The following MUC17 variants were observed in gnomAD, a reference collection of about 807,000 sequenced individuals.
MUC17 encodes mucin 17, cell surface associated.
In MUC17, 190 loss-of-function variants were observed where a neutral mutation model predicts 170.3. The observed-to-expected ratio is 1.12, with a 90% confidence interval of 0.99 to 1.26. The LOEUF (loss-of-function observed/expected upper bound fraction) is 1.26. MUC17 is among the 50% of genes most tolerant of loss of function. The probability of loss-of-function intolerance (pLI) is 0.00; values close to 1 mark genes in which losing one functional copy is unlikely to be tolerated. For missense variants in MUC17, 6,415 were observed against 5,530.0 expected (o/e 1.16, Z -5.08); for synonymous variants, 2,325 against 2,002.5 (o/e 1.16, Z -4.30).
Position 101,037,328 on chromosome 7 carries a change from A to T in MUC17, c.5912A>T (p.Asp1971Val). ...GCCAGTTCATCTCCTACAACTGCTG[A>T]TGGTACCAGCATGCCAACCCCAGCT... Reference protein sequence around the residue: ...SQASSSPTTADGTSMPTPAYS... With the variant: ...SQASSSPTTAVGTSMPTPAYS... The change falls in exon 3 of 13, where the codon GAT (aspartate) becomes GTT (valine). Residue 1971 changes from aspartate (D) to valine (V), a missense_variant. Coordinates refer to ENST00000306151, the MANE Select transcript of MUC17 (RefSeq NM_001040105.2). 6.2e-7 allele frequency: 1 copy of T among 1,614,070 alleles called. No homozygotes were observed. The highest frequency in any genetic ancestry group is 1.3e-5 in the African/African-American group (1 of 75,048).
intron 1 of MUC17, 112 bp from the exon 2 acceptor site, chr7:101,031,008 G>A (rs1369958426): frequency 1.5e-6 from 2 of 1,305,980 alleles, no homozygotes; most frequent in African/African-American, 3.0e-5. Context: ...AAATCAGCAG[G>A]CTGGTTCAGG....
intron 11 of MUC17, 130 bp from the exon 12 acceptor site, chr7:101,056,064 T>C: frequency 7.7e-7 from 1 of 1,305,512 alleles, no homozygotes; most frequent in Non-Finnish European, 1.1e-6. Flanking sequence ...TTGTCACATT[T>C]TCAAGGGTTT....
rs1407550055 is a variant in MUC17, at chr7:101,058,064, T to G, written c.*20T>G. On this transcript the variant is annotated 3_prime_UTR_variant, in exon 13 of 13. Coordinates refer to ENST00000306151, the MANE Select transcript of MUC17 (RefSeq NM_001040105.2). ...TTTTAAGGCATGGAGCTGAGAAGTC[T>G]GGGAGTGAGGAGATCCCAGTCCGGC... The G allele has an allele frequency of 3.1e-6, 5 of 1,612,320 alleles. No individual in the cohort carries two copies. Among genetic ancestry groups the G allele is most frequent in the Non-Finnish European group, 4.2e-6 (5 of 1,178,666 alleles).
rs919868158 is a variant in MUC17 at position 101,058,327 on chromosome 7, C to G, written c.*283C>G. 3.2e-6 allele frequency: 1 copy of G among 308,792 alleles called. No individual in the cohort carries two copies. The highest frequency in any genetic ancestry group is 2.1e-5 in the African/African-American group (1 of 46,800). The allele number at this position is 308,792 out of a possible 1,614,324, so 19.1% of individuals were successfully genotyped here. A position where few individuals can be genotyped will look rare whatever the true frequency, so the allele number is the denominator to read the frequency against. On this transcript the variant is annotated 3_prime_UTR_variant, in exon 13 of 13. Coordinates refer to ENST00000306151, the MANE Select transcript of MUC17 (RefSeq NM_001040105.2). ...TTTGAGGGTACTCTGACTGCAACAT[C>G]TTTCACCCCATTGATCGCCAGGATT...
Position 101,041,025 on chromosome 7 carries a change from A to C in MUC17, c.9609A>C (p.Ser3203=), listed in dbSNP as rs1374986901. 1.2e-6 allele frequency: 2 copies of C among 1,612,932 alleles called. No individual in the cohort carries two copies. The highest frequency in any genetic ancestry group is 1.3e-5 in the African/African-American group (1 of 74,574). Residue 3203 remains serine (S), a synonymous_variant, in exon 3 of 13, where the codon TCA becomes TCC. Transcript: ENST00000306151. ...TPVTTSTEAT[S]STTAEGTSIP... ...TGACCACTTCTACTGAAGCCACTTC[A>C]TCTACAACTGCTGAAGGTACCAGCA...
At position 101,038,100 on chromosome 7, in the gene MUC17, C is replaced by G; in HGVS notation, c.6684C>G (p.Ser2228Arg). 7.1e-7 allele frequency: 1 copy of G among 1,406,408 alleles called. No homozygotes were observed. Among genetic ancestry groups the G allele is most frequent in the South Asian group, 1.5e-5 (1 of 65,608 alleles). 87.1% of individuals were successfully genotyped at this position (1,406,408 alleles called of 1,614,324 possible). A position where few individuals can be genotyped will look rare whatever the true frequency, so the allele number is the denominator to read the frequency against. Reference sequence around the variant, plus strand: ...CTCCATTCACAAGTATGCCTGTCAGCACCATGCCGGTAGTTACTTCTGAGG... The same window carrying G: ...CTCCATTCACAAGTATGCCTGTCAGGACCATGCCGGTAGTTACTTCTGAGG... ...GSTPFTSMPV[S>R]TMPVVTSEAS... is the part of the protein sequence containing the mutation. Residue 2228 changes from serine (S) to arginine (R), a missense_variant, in exon 3 of 13, where the codon AGC becomes AGG. Transcript: ENST00000306151.
In MUC17 at chr7:101,042,020, G is replaced by A. The variant is rs143577523; in HGVS notation, c.10604G>A (p.Ser3535Asn). Residue 3535 changes from serine (S) to asparagine (N), a missense_variant, in exon 3 of 13, where the codon AGC (serine) becomes AAC (asparagine). By Grantham distance (46) the Ser-to-Asn change is conservative. Transcript: ENST00000306151. ...ACACCGGTGGCCAGTTCTGAGGCTA[G>A]CACCCTTTCAACAACTCCTGTTGAC... Reference protein sequence around the residue: ...STTPVASSEASTLSTTPVDSN... With the variant: ...STTPVASSEANTLSTTPVDSN... The A allele has an allele frequency of 3.7e-6, 6 of 1,613,214 alleles. No individual in the cohort carries two copies. In the East Asian group the frequency reaches 6.7e-5, roughly 18 times the overall value.
At position 101,033,971 on chromosome 7, in the gene MUC17, G is replaced by A. The variant is rs1794374376; in HGVS notation, c.2555G>A (p.Gly852Asp). Residue 852 changes from glycine to aspartate, a missense_variant, in exon 3 of 13, where the codon GGT (glycine) becomes GAT (aspartate). Physicochemically the swap from Gly to Asp is moderately conservative, Grantham distance 94. Coordinates refer to ENST00000306151, the MANE Select transcript of MUC17 (RefSeq NM_001040105.2). The stretch of plus-strand genomic sequence containing the variant: ...AGTTCATCTCCTACACCTGCTGAAG[G>A]TACCAGCATGCCAACCTCAACTTAT... ...EVSSSPTPAEGTSMPTSTYSE... is the reference protein window; with the variant it reads ...EVSSSPTPAEDTSMPTSTYSE... 1 of 1,602,654 alleles carries A rather than the reference G, an allele frequency of 6.2e-7. No homozygotes were observed. The highest frequency in any genetic ancestry group is 8.5e-7 in the Non-Finnish European group (1 of 1,173,770).
Position 101,041,642 on chromosome 7 carries a change from C to A in MUC17, c.10226C>A (p.Thr3409Lys). Residue 3409 changes from threonine to lysine, a missense_variant, in exon 3 of 13, where the codon ACG (threonine) becomes AAG (lysine). By Grantham distance (78) the Thr-to-Lys change is moderately conservative (BLOSUM62 -1). Coordinates refer to ENST00000306151, the MANE Select transcript of MUC17 (RefSeq NM_001040105.2). Reference protein sequence around the residue: ...TPLASMPVSTTPVVSSEVNTL... With the variant: ...TPLASMPVSTKPVVSSEVNTL... ...TTAGCAAGTATGCCTGTCAGCACCACGCCGGTGGTCAGTTCTGAGGTTAAC... is the reference window on the plus strand; with the variant it reads ...TTAGCAAGTATGCCTGTCAGCACCAAGCCGGTGGTCAGTTCTGAGGTTAAC... 1 of 1,613,992 alleles carries A rather than the reference C, an allele frequency of 6.2e-7. No individual in the cohort carries two copies. Among genetic ancestry groups the A allele is most frequent in the Non-Finnish European group, 8.5e-7 (1 of 1,179,880 alleles).
chr7:101,038,909 C>T lies in MUC17; in HGVS notation c.7493C>T (p.Thr2498Ile). The T allele has an allele frequency of 5.0e-6, 8 of 1,614,054 alleles. No homozygotes were observed. The highest frequency in any genetic ancestry group is 6.8e-6 in the Non-Finnish European group (8 of 1,179,998). Residue 2498 changes from threonine (T) to isoleucine (I), a missense_variant, in exon 3 of 13, where the codon ACA becomes ATA. Transcript: ENST00000306151. ...TCTACTGAAGCCAGTTCATCTCCTACAACTGCTGAAGATATCGTCGTGCCA... is the reference window on the plus strand; with the variant it reads ...TCTACTGAAGCCAGTTCATCTCCTATAACTGCTGAAGATATCGTCGTGCCA... ...TTSTEASSSPTTAEDIVVPIS... is the reference protein window; with the variant it reads ...TTSTEASSSPITAEDIVVPIS...
In MUC17 at chr7:101,043,479, C is replaced by T. The variant is rs745883384; in HGVS notation, c.12063C>T (p.Cys4021=). The part of the protein sequence containing the change: ...PSTPRTTSRG[C]TTSASTLSAT... ...CACCCAGAACAACCAGCAGAGGCTG[C>T]ACTACTTCTGCATCAACGCTTTCTG... Residue 4021 remains cysteine, a synonymous_variant, in exon 3 of 13, where the codon TGC becomes TGT. Coordinates refer to ENST00000306151, the MANE Select transcript of MUC17 (RefSeq NM_001040105.2). The T allele has an allele frequency of 6.8e-6, 11 of 1,614,120 alleles. No homozygotes were observed. Among genetic ancestry groups the T allele is most frequent in the African/African-American group, 1.3e-5 (1 of 74,930 alleles).
chr7:101,035,971 A>G lies in MUC17; in HGVS notation c.4555A>G (p.Ile1519Val), dbSNP rs774774022. ...PSEGSTALTS[I>V]PVSTTTVASS... ...TGAAGGAAGCACTGCATTAACAAGT[A>G]TACCTGTCAGCACCACAACAGTGGC... is the stretch of plus-strand genomic sequence containing the variant. The change falls in exon 3 of 13, where the codon ATA becomes GTA. Residue 1519 changes from isoleucine (I) to valine (V), a missense_variant. Transcript: ENST00000306151. The G allele has an allele frequency of 2.5e-6, 4 of 1,612,856 alleles. No individual in the cohort carries two copies. The highest frequency in any genetic ancestry group is 1.7e-5 in the Admixed American group (1 of 59,974).
rs746601415 is a variant in MUC17, at chr7:101,031,103, C to T, written c.83-17C>T. 6.2e-7 allele frequency: 1 copy of T among 1,600,040 alleles called. No homozygotes were observed. The highest frequency in any genetic ancestry group is 1.1e-5 in the South Asian group (1 of 88,276). On this transcript the variant is annotated splice_polypyrimidine_tract_variant and intron_variant, in intron 1 of 12. Coordinates refer to ENST00000306151, the MANE Select transcript of MUC17 (RefSeq NM_001040105.2). ...GATCATGGCTCTGGGATACTAACTC[C>T]CCTTTGTCTCTTTCAGACCTCAGTG...
Position 101,034,894 on chromosome 7 carries a change from AC to A in MUC17, c.3479del (p.Thr1160IlefsTer3), listed in dbSNP as rs757230748. The A allele has an allele frequency of 1.2e-6, 2 of 1,613,132 alleles. No individual in the cohort carries two copies. Among genetic ancestry groups the A allele is most frequent in the South Asian group, 1.1e-5 (1 of 90,990 alleles). ...AACCTCACCTCCCAGTGAAGGAACC[AC>A]TCCGTTAGCAAGTATGCCTGTCAGC... Reference protein sequence around the residue: ...IPTSPPSEGTTPLASMPVSTT... With the variant: ...IPTSPPSEGTXPLASMPVSTT... On this transcript the variant is annotated frameshift_variant, in exon 3 of 13. Coordinates refer to ENST00000306151, the MANE Select transcript of MUC17 (RefSeq NM_001040105.2). LOFTEE classifies it high-confidence loss of function.
In MUC17 at chr7:101,033,940, G is replaced by A. The variant is rs146441081; in HGVS notation, c.2524G>A (p.Glu842Lys). 6.2e-7 allele frequency: 1 copy of A among 1,613,630 alleles called. No homozygotes were observed. ...CAACAGTCCTGTGACCACTTCTACT[G>A]AAGTCAGTTCATCTCCTACACCTGC... The part of the protein sequence containing the change: ...DSNSPVTTST[E>K]VSSSPTPAEG... Residue 842 changes from glutamate (E) to lysine (K), a missense_variant, in exon 3 of 13, where the codon GAA becomes AAA. Glu to Lys is a moderately conservative substitution (Grantham distance 56). Coordinates refer to ENST00000306151, the MANE Select transcript of MUC17 (RefSeq NM_001040105.2).
chr7:101,030,377 A>T (rs1233642180), intron 1 of MUC17, among the ~76,000 whole-genome samples: 7 of 151,846 alleles, frequency 4.6e-5, no homozygotes, highest in Admixed American at 4.6e-4. Flanking sequence ...TGCACATGCC[A>T]CCATGCCCAG....
At chr7:101,022,868 GC>G (rs2116385820) in intron 1 of MUC17, among the ~76,000 whole-genome samples, 2 of 152,128 alleles carry the variant, frequency 1.3e-5, no homozygotes, top group South Asian at 4.1e-4. Flanking sequence ...CCAGGAATCT[GC>G]ACTAACTCTC....
chr7:101,053,530 G>A (rs1794992998), intron 11 of MUC17, 94 bp downstream of exon 11: 1 of 933,754 alleles, frequency 1.1e-6, no homozygotes, highest in Admixed American at 2.1e-5. Context: ...CACTTTGAAA[G>A]GCCAAGGCAG....
At chr7:101,026,122 T>C (rs1368328551) in intron 1 of MUC17, among the ~76,000 whole-genome samples, 1 of 152,170 alleles carries the variant, frequency 6.6e-6, no homozygotes, top group Non-Finnish European at 1.5e-5. Context: ...GCAAAGCTTT[T>C]TTACTTCCCT....
Sources: allele counts gnomAD v4.1 joint callset (sites outside exome capture counted in the v4.1 genomes callset), GRCh38; gene constraint gnomAD v4.1.1; transcripts MANE v1.5; gene names NCBI Gene and HGNC (gene_info 2026-07-23, HGNC 2026-07-21).